Variants in C2CD3 observed in about 807,000 individuals in gnomAD.
C2CD3 encodes the protein C2 domain containing 3 centriole elongation regulator.
A neutral mutation model predicts 234.0 loss-of-function variants in C2CD3; 148 were observed. The observed-to-expected ratio is 0.63, with a 90% CI of 0.55 to 0.72. C2CD3 has a LOEUF of 0.72. Ranked by LOEUF, C2CD3 falls within the 30% of genes least tolerant of loss-of-function variation. The probability of loss-of-function intolerance (pLI) is 0.00; values close to 1 mark genes in which losing one functional copy is unlikely to be tolerated. For synonymous variants in C2CD3, 1,000 were observed against 1,035.4 expected (o/e 0.97, Z 0.66); for missense variants, 2,577 against 2,811.5 (o/e 0.92, Z 1.89).
chr11:74,049,851 G>C (rs1393022244), intron 26 of C2CD3, among the ~76,000 whole-genome samples: 2 of 144,896 alleles, frequency 1.4e-5, no homozygotes, highest in African/African-American at 5.8e-5. Flanking sequence ...CATGATCATA[G>C]TTCACTGCGG....
intron 14 of C2CD3, among the ~76,000 whole-genome samples, chr11:74,101,113 G>A (rs1487955577): frequency 1.3e-5 from 2 of 152,208 alleles, no homozygotes. Flanking sequence ...TGGCTGGATA[G>A]CATTTAATAA....
chr11:74,098,383 T>C lies in C2CD3; in HGVS notation c.2733-128A>G, dbSNP rs988781553. The C allele has an allele frequency of 2.1e-5, 20 of 952,922 alleles. No individual in the cohort carries two copies. In the South Asian group the frequency reaches 3.0e-4, roughly 15 times the overall value. 59.0% of individuals were successfully genotyped at this position (952,922 alleles called of 1,614,324 possible). A position where few individuals can be genotyped will look rare whatever the true frequency, so the allele number is the denominator to read the frequency against. On this transcript the variant is annotated intron_variant, in intron 15 of 32. Coordinates refer to ENST00000334126, the MANE Select transcript of C2CD3 (RefSeq NM_001286577.2). ...GCAACTGGAAAAGTAATAGTGGTTTTAAAAAATGTGTGCATCTGTCAGTAA... is the reference window on the plus strand; with the variant it reads ...GCAACTGGAAAAGTAATAGTGGTTTCAAAAAATGTGTGCATCTGTCAGTAA...
intron 20 of C2CD3, among the ~76,000 whole-genome samples, chr11:74,086,328 T>C (rs1201110526): frequency 1.3e-5 from 2 of 152,242 alleles, no homozygotes; most frequent in Non-Finnish European, 2.9e-5. Flanking sequence ...GAGCAGGGCT[T>C]TGCTCTGGAT....
In C2CD3 at chr11:74,138,933, C is replaced by A; in HGVS notation, c.742G>T (p.Asp248Tyr). 1 of 1,611,454 alleles carries A rather than the reference C, an allele frequency of 6.2e-7. No individual in the cohort carries two copies. Among genetic ancestry groups the A allele is most frequent in the South Asian group, 1.1e-5 (1 of 91,006 alleles). Residue 248 changes from aspartate (D) to tyrosine (Y), a missense_variant, in exon 5 of 33, where the codon GAT becomes TAT. Physicochemically the swap from Asp to Tyr is radical, Grantham distance 160 (BLOSUM62 -3). Transcript: ENST00000334126. ...KDHVCFAENPDTIKDSSFGLQ... is the reference protein window; with the variant it reads ...KDHVCFAENPYTIKDSSFGLQ... ...CCAAAGGAAGAATCCTTTATTGTAT[C>A]AGGGTTCTCTGCAAAGCATACATGG...
rs538438502 is a variant in C2CD3 at position 74,157,805 on chromosome 11, TG to T, written c.483+3593del. Among the ~76,000 whole-genome samples the T allele has an allele frequency of 1.2e-3, 184 of 152,326 alleles. 1 individual carries two copies. The highest frequency in any genetic ancestry group is 4.4e-3 in the African/African-American group (182 of 41,582). On this transcript the variant is annotated intron_variant, in intron 3 of 32. Transcript: ENST00000334126. ...CCCCCACAGAAGAGGGACCATTCTA[TG>T]TTCTTTCCTAGTATCTCATGCATAT...
intron 8 of C2CD3, among the ~76,000 whole-genome samples, chr11:74,119,162 A>C (rs1957130530): frequency 6.6e-6 from 1 of 152,048 alleles, no homozygotes. Flanking sequence ...TGCCCATCTC[A>C]GCCTCCCAAA....
intron 3 of C2CD3, among the ~76,000 whole-genome samples, chr11:74,140,664 T>C (rs1421096098): frequency 2.0e-5 from 3 of 152,222 alleles, no homozygotes; most frequent in Non-Finnish European, 4.4e-5. Flanking sequence ...TTCTATCGAC[T>C]ACTTAGCATA....
chr11:74,093,387 A>G (rs1955973984), intron 18 of C2CD3, among the ~76,000 whole-genome samples: 1 of 149,444 alleles, frequency 6.7e-6, no homozygotes, highest in African/African-American at 2.4e-5. Flanking sequence ...TAAAATAAAT[A>G]TAAATGTTCC....
At chr11:74,127,932 G>A (rs1263144013) in intron 7 of C2CD3, among the ~76,000 whole-genome samples, 3 of 151,344 alleles carry the variant, frequency 2.0e-5, no homozygotes, top group Non-Finnish European at 4.4e-5. Flanking sequence ...GCGCGATCTC[G>A]GCTCACTGCA....
chr11:74,092,691 T>C (rs1955942582), intron 18 of C2CD3, 103 bp from the exon 19 acceptor site: 1 of 913,054 alleles, frequency 1.1e-6, no homozygotes, highest in Non-Finnish European at 1.7e-6. Context: ...TGGTGCCTGA[T>C]TGTTCTGTGT....
chr11:74,090,961 G>T (rs1290861850), intron 19 of C2CD3, 25 bp from the exon 20 acceptor site: 1 of 1,612,186 alleles, frequency 6.2e-7, no homozygotes, highest in South Asian at 1.1e-5. Context: ...CACAAGGAAA[G>T]AAGGTTGGTC....
At chr11:74,023,028 A>G (rs1337863711) in intron 32 of C2CD3, among the ~76,000 whole-genome samples, 2 of 152,246 alleles carry the variant, frequency 1.3e-5, no homozygotes, top group African/African-American at 4.8e-5. Flanking sequence ...AGACTCAGAA[A>G]AGTCCAAAGA....
chr11:74,115,103 A>G (rs1039495411), intron 9 of C2CD3, among the ~76,000 whole-genome samples: 6 of 152,072 alleles, frequency 3.9e-5, no homozygotes, highest in Non-Finnish European at 5.9e-5. Context: ...AAAAAAAAAT[A>G]TAATCTAAAG....
intron 7 of C2CD3, among the ~76,000 whole-genome samples, chr11:74,130,357 C>G (rs1957623608): frequency 6.6e-6 from 1 of 151,834 alleles, no homozygotes; most frequent in South Asian, 2.1e-4. Context: ...TCCTGAGTAG[C>G]TAGGACTACA....
chr11:74,153,405 G>A (rs1213414315), intron 3 of C2CD3, among the ~76,000 whole-genome samples: 1 of 152,144 alleles, frequency 6.6e-6, no homozygotes, highest in Non-Finnish European at 1.5e-5. Flanking sequence ...AAGTAAACCT[G>A]TCTTTATCCA....
At chr11:74,034,919 A>G (rs781266266) in intron 30 of C2CD3, among the ~76,000 whole-genome samples, 17 of 152,270 alleles carry the variant, frequency 1.1e-4, no homozygotes, top group Non-Finnish European at 1.6e-4. Flanking sequence ...GTTACAGTAG[A>G]GAATACACGA....
At chr11:74,063,107 A>G (rs981339915) in intron 24 of C2CD3, among the ~76,000 whole-genome samples, 1 of 152,242 alleles carries the variant, frequency 6.6e-6, no homozygotes, top group African/African-American at 2.4e-5. Context: ...GAATAGACCA[A>G]TAACAGGTTC....
intron 15 of C2CD3, among the ~76,000 whole-genome samples, 196 bp downstream of exon 15, chr11:74,100,329 T>C (rs998229625): frequency 6.6e-6 from 1 of 152,244 alleles, no homozygotes; most frequent in Non-Finnish European, 1.5e-5. Context: ...GTTTTTAGCA[T>C]AGTGCCTGAA....
At chr11:74,131,429 C>T (rs1357249230) in intron 7 of C2CD3, among the ~76,000 whole-genome samples, 1 of 151,910 alleles carries the variant, frequency 6.6e-6, no homozygotes, top group African/African-American at 2.4e-5. Context: ...AACTAACTCT[C>T]ATTCCTGGAA....
Sources: gnomAD v4.1 joint callset for allele counts (sites outside exome capture counted in the v4.1 genomes callset) on GRCh38, gnomAD v4.1.1 for gene constraint, MANE v1.5 for transcripts, NCBI Gene and HGNC (gene_info 2026-07-23, HGNC 2026-07-21) for gene names.